The following NCK1 variants were observed in gnomAD, a reference collection of about 807,000 sequenced individuals.
NCK1 encodes the protein NCK adaptor protein 1.
In NCK1, 19 loss-of-function variants were observed where a neutral mutation model predicts 36.6. That is an observed-to-expected ratio of 0.52 (90% confidence interval 0.36 to 0.76). The LOEUF is 0.76. NCK1 is among the 30% of genes least tolerant of loss of function. NCK1 has a pLI of 0.00. For missense variants in NCK1, 358 were observed against 445.6 expected (o/e 0.80, Z 1.77); for synonymous variants, 165 against 156.0 (o/e 1.06, Z -0.43).
chr3:136,950,513 A>G lies in NCK1; in HGVS notation c.*2060A>G, dbSNP rs1462095899. On this transcript the variant is annotated 3_prime_UTR_variant, in exon 4 of 4. Transcript: ENST00000481752. ...TGGTATAAAAACCTCGCTGGAAGCT[A>G]CTTATTTTGTACTTAAATATTTTAC... 6.6e-6 allele frequency among the ~76,000 whole-genome samples: 1 copy of G among 152,132 alleles called. No homozygotes were observed. Among genetic ancestry groups the G allele is most frequent in the Non-Finnish European group, 1.5e-5 (1 of 67,982 alleles).
chr3:136,872,289 C>G (rs182036094), intron 1 of NCK1, among the ~76,000 whole-genome samples: 1 of 152,272 alleles, frequency 6.6e-6, no homozygotes, highest in East Asian at 1.9e-4. Context: ...GCAAAGGTGA[C>G]TCTTGTTATG....
At chr3:136,934,478 G>C (rs1041366393) in intron 2 of NCK1, among the ~76,000 whole-genome samples, 2 of 151,950 alleles carry the variant, frequency 1.3e-5, no homozygotes, top group Admixed American at 1.3e-4. Flanking sequence ...TAGAGATGGG[G>C]TTTCACCATG....
chr3:136,896,706 G>T (rs1560039660), intron 1 of NCK1, among the ~76,000 whole-genome samples: 1 of 152,032 alleles, frequency 6.6e-6, no homozygotes, highest in Non-Finnish European at 1.5e-5. Flanking sequence ...TCACTATGTT[G>T]CCCAAACTGG....
At chr3:136,890,275 G>T (rs550624016) in intron 1 of NCK1, among the ~76,000 whole-genome samples, 1 of 151,944 alleles carries the variant, frequency 6.6e-6, no homozygotes, top group Non-Finnish European at 1.5e-5. Context: ...CGGCAGGGCC[G>T]GCCGGCTGCT....
At chr3:136,893,840 A>G (rs542023193) in intron 1 of NCK1, among the ~76,000 whole-genome samples, 2 of 152,296 alleles carry the variant, frequency 1.3e-5, no homozygotes, top group African/African-American at 2.4e-5. Flanking sequence ...AGGAATTACT[A>G]TTCATCATTA....
intron 1 of NCK1, among the ~76,000 whole-genome samples, chr3:136,921,386 G>A (rs1053311931): frequency 2.0e-5 from 3 of 152,208 alleles, no homozygotes; most frequent in Non-Finnish European, 4.4e-5. Flanking sequence ...GATCTAGGAA[G>A]CGGAGGAACT....
intron 1 of NCK1, among the ~76,000 whole-genome samples, chr3:136,875,315 G>A (rs976450404): frequency 5.3e-5 from 8 of 151,958 alleles, no homozygotes; most frequent in Non-Finnish European, 1.0e-4. Context: ...CAATCATGTC[G>A]TCTGCAAACA....
At chr3:136,939,622 T>TC (rs1351618377) in intron 2 of NCK1, among the ~76,000 whole-genome samples, 1 of 152,122 alleles carries the variant, frequency 6.6e-6, no homozygotes, top group African/African-American at 2.4e-5. Context: ...CTTTGCTGCC[T>TC]CCCATAGGTT....
intron 1 of NCK1, among the ~76,000 whole-genome samples, chr3:136,922,534 A>T (rs1940139251): frequency 6.6e-6 from 1 of 152,190 alleles, no homozygotes; most frequent in South Asian, 2.1e-4. Flanking sequence ...TGGGGAAAAG[A>T]TATGAACAAG....
intron 1 of NCK1, among the ~76,000 whole-genome samples, chr3:136,868,013 G>C (rs572585742): frequency 2.0e-5 from 3 of 152,132 alleles, no homozygotes; most frequent in Non-Finnish European, 2.9e-5. Flanking sequence ...CGCCTCTCGG[G>C]TTCAAGCAAT....
intron 2 of NCK1, among the ~76,000 whole-genome samples, chr3:136,931,075 A>G (rs1940378409): frequency 6.6e-6 from 1 of 151,854 alleles, no homozygotes; most frequent in African/African-American, 2.4e-5. Context: ...GAATATTTTT[A>G]TTTAATTAAT....
chr3:136,928,316 T>C lies in NCK1; in HGVS notation c.226+89T>C, dbSNP rs73864640. ...TACATAATTCTGGCAGCAGTGTGCA[T>C]AATTGACTTGAAAAGGCAAGGGCTA... On this transcript the variant is annotated intron_variant, in intron 2 of 3. Transcript: ENST00000481752. The C allele has an allele frequency of 1.0e-3, 1,346 of 1,294,210 alleles. 13 individuals carry two copies. The African/African-American group carries it at 0.018, about 18-fold the overall frequency. The allele number at this position is 1,294,210 out of a possible 1,614,324, so 80.2% of individuals were successfully genotyped here. A position where few individuals can be genotyped will look rare whatever the true frequency, so the allele number is the denominator to read the frequency against.
At chr3:136,904,900 C>A (rs73864638) in intron 1 of NCK1, among the ~76,000 whole-genome samples, 1 of 145,996 alleles carries the variant, frequency 6.8e-6, no homozygotes, top group East Asian at 2.0e-4. Flanking sequence ...TCTTAATGTT[C>A]TGAGAATCTT....
chr3:136,864,751 TTTTTC>T (rs1938360828), intron 1 of NCK1, among the ~76,000 whole-genome samples: 2 of 139,166 alleles, frequency 1.4e-5, no homozygotes, highest in South Asian at 2.3e-4. Context: ...GTTCTGGGTT[TTTTTC>T]TTTTCTTTTT....
At chr3:136,900,471 T>C (rs1223406425) in intron 1 of NCK1, among the ~76,000 whole-genome samples, 1 of 152,190 alleles carries the variant, frequency 6.6e-6, no homozygotes, top group African/African-American at 2.4e-5. Context: ...AAAAAGACAT[T>C]GGTATTTTGA....
chr3:136,876,768 G>A (rs1865149), intron 1 of NCK1, among the ~76,000 whole-genome samples: 103,708 of 151,928 alleles, frequency 0.68, 35,709 homozygotes, highest in East Asian at 0.87. Flanking sequence ...TAAGGCTACA[G>A]TGAGAATTTA....
chr3:136,896,325 A>ATAAGG, intron 1 of NCK1, among the ~76,000 whole-genome samples: 1 of 152,268 alleles, frequency 6.6e-6, no homozygotes, highest in East Asian at 1.9e-4. Context: ...GGTGTCTGTC[A>ATAAGG]TTCTACTGTC....
At chr3:136,869,470 G>A (rs566080448) in intron 1 of NCK1, among the ~76,000 whole-genome samples, 5 of 152,238 alleles carry the variant, frequency 3.3e-5, no homozygotes, top group Middle Eastern at 3.4e-3. Flanking sequence ...ACTTAAACCC[G>A]GGAGGCAGGG....
intron 2 of NCK1, among the ~76,000 whole-genome samples, chr3:136,932,636 A>G (rs1333454726): frequency 1.3e-5 from 2 of 152,206 alleles, no homozygotes; most frequent in African/African-American, 4.8e-5. Flanking sequence ...CCTGCAAAAT[A>G]TAACTGAACT....
Sources: allele counts gnomAD v4.1 joint callset (sites outside exome capture counted in the v4.1 genomes callset), GRCh38; gene constraint gnomAD v4.1.1; transcripts MANE v1.5; gene names NCBI Gene and HGNC (gene_info 2026-07-23, HGNC 2026-07-21).